The following PRRG1 variants were observed in gnomAD, a reference collection of about 807,000 sequenced individuals.
The protein encoded by PRRG1 is transmembrane gamma-carboxyglutamic acid protein 1.
PRRG1 carries 5 observed loss-of-function variants against 11.8 expected under a neutral mutation model. That is an observed-to-expected ratio of 0.42 (90% CI 0.22 to 0.89). The LOEUF (loss-of-function observed/expected upper bound fraction) is 0.89, where lower values mean the gene tolerates loss of function less well. Ranked by LOEUF, PRRG1 falls within the 40% of genes least tolerant of loss-of-function variation. The pLI is 0.28. For synonymous variants in PRRG1, 66 were observed against 60.4 expected (o/e 1.09, Z -0.43); for missense variants, 155 against 166.1 (o/e 0.93, Z 0.37).
intron 1 of PRRG1, among the ~76,000 whole-genome samples, chrX:37,365,821 G>A (rs1186949073): frequency 9.0e-6 from 1 of 111,616 alleles, no homozygotes; most frequent in African/African-American, 3.3e-5. Context: ...TCCTTCTGTG[G>A]GACCAAGAGT....
At chrX:37,442,974 G>T (rs1474875384) in intron 3 of PRRG1, among the ~76,000 whole-genome samples, 2 of 112,240 alleles carry the variant, frequency 1.8e-5, no homozygotes, top group Non-Finnish European at 3.8e-5. Flanking sequence ...TCAAATTTGT[G>T]ATATGAATAG....
chrX:37,366,736 A>C (rs1044673773), intron 1 of PRRG1, among the ~76,000 whole-genome samples: 4 of 111,882 alleles, frequency 3.6e-5, no homozygotes, highest in African/African-American at 1.3e-4. Flanking sequence ...TATATGTACT[A>C]TGGGATATTC....
chrX:37,422,284 A>G (rs782106217), intron 2 of PRRG1, among the ~76,000 whole-genome samples: 16 of 111,863 alleles, frequency 1.4e-4, no homozygotes, highest in Non-Finnish European at 2.4e-4. Flanking sequence ...ACCCAGGGAT[A>G]TCTTAGACCA....
At chrX:37,408,068 A>G (rs1932234551) in intron 2 of PRRG1, among the ~76,000 whole-genome samples, 1 of 112,135 alleles carries the variant, frequency 8.9e-6, no homozygotes, top group African/African-American at 3.2e-5. Flanking sequence ...TGAACTTTTT[A>G]AAAACTATTC....
At chrX:37,354,801 G>A (rs1157491564) in intron 1 of PRRG1, among the ~76,000 whole-genome samples, 5 of 111,376 alleles carry the variant, frequency 4.5e-5, no homozygotes, top group Admixed American at 9.5e-5. Flanking sequence ...GTTTGTTTTT[G>A]GTGTGTTTCA....
intron 1 of PRRG1, 146 bp from the exon 2 acceptor site, chrX:37,406,063 G>T: frequency 4.5e-6 from 2 of 447,747 alleles, no homozygotes; most frequent in Non-Finnish European, 7.1e-6. Flanking sequence ...CTTTGTGAGG[G>T]AGAAAACATT....
intron 1 of PRRG1, among the ~76,000 whole-genome samples, chrX:37,390,598 G>T (rs781959345): frequency 1.6e-4 from 18 of 111,993 alleles, no homozygotes; most frequent in Non-Finnish European, 3.2e-4. Context: ...GATTCCTAGT[G>T]CTTGCCACTC....
At chrX:37,365,298 A>G (rs1479929030) in intron 1 of PRRG1, among the ~76,000 whole-genome samples, 3 of 111,471 alleles carry the variant, frequency 2.7e-5, no homozygotes, top group African/African-American at 9.8e-5. Context: ...GCAGGCCTGC[A>G]TGACTACTTT....
intron 1 of PRRG1, among the ~76,000 whole-genome samples, chrX:37,372,897 TATG>T (rs1556371201): frequency 8.9e-6 from 1 of 112,617 alleles, no homozygotes; most frequent in East Asian, 2.8e-4. Flanking sequence ...CCTTTTCCGT[TATG>T]TTTTCTACTA....
At chrX:37,414,812 G>A (rs1160121689) in intron 2 of PRRG1, among the ~76,000 whole-genome samples, 2 of 112,383 alleles carry the variant, frequency 1.8e-5, no homozygotes, top group African/African-American at 6.5e-5. Context: ...TGAACAGATA[G>A]GAAAGAAAGT....
intron 1 of PRRG1, among the ~76,000 whole-genome samples, chrX:37,396,794 G>A (rs781884612): frequency 9.0e-6 from 1 of 111,198 alleles, no homozygotes; most frequent in South Asian, 3.8e-4. Flanking sequence ...TCTAAGGCAG[G>A]GTTTTTTAAC....
At chrX:37,388,880 T>C (rs1556375883) in intron 1 of PRRG1, among the ~76,000 whole-genome samples, 1 of 112,987 alleles carries the variant, frequency 8.9e-6, no homozygotes, top group African/African-American at 3.2e-5. Context: ...CAAGCTTTTA[T>C]GCTCTGCTTT....
At chrX:37,391,585 T>G (rs944291158) in intron 1 of PRRG1, among the ~76,000 whole-genome samples, 1 of 111,923 alleles carries the variant, frequency 8.9e-6, no homozygotes, top group Admixed American at 9.5e-5. Flanking sequence ...GATATCCAGG[T>G]GTAGATTTCT....
intron 1 of PRRG1, among the ~76,000 whole-genome samples, chrX:37,401,726 C>T (rs1362307127): frequency 9.0e-6 from 1 of 110,865 alleles, no homozygotes; most frequent in African/African-American, 3.3e-5. Context: ...GATTGTATAT[C>T]TAGAAAACCC....
At chrX:37,451,026 T>C (rs1197099080) in intron 3 of PRRG1, among the ~76,000 whole-genome samples, 1 of 112,150 alleles carries the variant, frequency 8.9e-6, no homozygotes, top group Non-Finnish European at 1.9e-5. Context: ...TGTTTTGTTT[T>C]GTTTTGTTGA....
chrX:37,355,504 T>C (rs1556365900), intron 1 of PRRG1, among the ~76,000 whole-genome samples: 1 of 110,940 alleles, frequency 9.0e-6, no homozygotes, highest in Non-Finnish European at 1.9e-5. Flanking sequence ...TTCAAGAAAA[T>C]GGGAATATGT....
chrX:37,401,980 T>A (rs1345044469), intron 1 of PRRG1, among the ~76,000 whole-genome samples: 17 of 110,108 alleles, frequency 1.5e-4, no homozygotes, highest in South Asian at 7.8e-4. Context: ...TCAATGAAAT[T>A]AAAGAGGATA....
rs1206253683 is a variant in PRRG1, at chrX:37,455,630, T to C, written c.*2009T>C. The C allele has an allele frequency of 1.8e-5, 2 of 112,208 alleles. No individual in the cohort carries two copies. Among genetic ancestry groups the C allele is most frequent in the African/African-American group, 6.5e-5 (2 of 30,858 alleles). 9.2% of individuals were successfully genotyped at this position (112,208 alleles called of 1,213,427 possible). On this transcript the variant is annotated 3_prime_UTR_variant, in exon 4 of 4. Transcript: ENST00000378628. ...GAAGTAAGGCGTGTGTGCTAGTTAATAGGTTTAGTAGCTTTTATGGACTAA... is the reference window on the plus strand; with the variant it reads ...GAAGTAAGGCGTGTGTGCTAGTTAACAGGTTTAGTAGCTTTTATGGACTAA...
intron 3 of PRRG1, among the ~76,000 whole-genome samples, chrX:37,433,363 T>C (rs190308858): frequency 5.4e-5 from 6 of 111,871 alleles, no homozygotes; most frequent in Non-Finnish European, 1.1e-4. Context: ...CGTCCTCACA[T>C]ACACAGACAG....
Sources: gnomAD v4.1 joint callset for allele counts (sites outside exome capture counted in the v4.1 genomes callset) on GRCh38, gnomAD v4.1.1 for gene constraint, MANE v1.5 for transcripts, NCBI Gene and HGNC (gene_info 2026-07-23, HGNC 2026-07-21) for gene names.